Variants in C8orf34 observed in about 807,000 individuals in gnomAD.
C8orf34 encodes chromosome 8 open reading frame 34, also known as uncharacterized protein C8orf34.
In C8orf34, 65 loss-of-function variants were observed where a neutral mutation model predicts 68.3. The observed-to-expected ratio is 0.95, with a 90% CI of 0.78 to 1.17. C8orf34 has a LOEUF of 1.17. Among genes scored for constraint, C8orf34 ranks in the 50% most tolerant of loss-of-function variants. C8orf34 has a pLI of 0.00. For synonymous variants in C8orf34, 244 were observed against 241.2 expected (o/e 1.01, Z -0.11); for missense variants, 664 against 655.4 (o/e 1.01, Z -0.14).
chr8:68,479,155 T>C (rs1812748428), intron 4 of C8orf34, among the ~76,000 whole-genome samples: 1 of 152,130 alleles, frequency 6.6e-6, no homozygotes, highest in African/African-American at 2.4e-5. Context: ...ATTTTAAGAA[T>C]AATTAAAGAA....
intron 7 of C8orf34, among the ~76,000 whole-genome samples, chr8:68,553,498 C>G (rs929359326): frequency 9.2e-5 from 14 of 151,476 alleles, no homozygotes; most frequent in African/African-American, 3.4e-4. Flanking sequence ...ATGAAGCCAT[C>G]TGTATCTGGA....
At chr8:68,456,229 C>T (rs936416895) in intron 3 of C8orf34, among the ~76,000 whole-genome samples, 2 of 151,544 alleles carry the variant, frequency 1.3e-5, no homozygotes, top group African/African-American at 4.9e-5. Context: ...GCACTCCAGC[C>T]TGGGTGACAG....
intron 4 of C8orf34, among the ~76,000 whole-genome samples, chr8:68,479,652 T>A (rs1405947098): frequency 6.6e-6 from 1 of 152,106 alleles, no homozygotes; most frequent in Admixed American, 6.6e-5. Flanking sequence ...CATCCATGGC[T>A]TTTTGAGGGG....
chr8:68,704,577 A>T (rs1821111008), intron 8 of C8orf34, among the ~76,000 whole-genome samples: 1 of 152,024 alleles, frequency 6.6e-6, no homozygotes, highest in African/African-American at 2.4e-5. Flanking sequence ...GTAGTTCTAA[A>T]ATCCTTGTGA....
chr8:68,394,383 C>A (rs1335237018), intron 1 of C8orf34, among the ~76,000 whole-genome samples: 1 of 151,734 alleles, frequency 6.6e-6, no homozygotes, highest in Non-Finnish European at 1.5e-5. Flanking sequence ...ATGATGATTT[C>A]CAATTTCATC....
chr8:68,686,819 A>G (rs542054060), intron 8 of C8orf34, among the ~76,000 whole-genome samples: 79 of 152,226 alleles, frequency 5.2e-4, no homozygotes, highest in Middle Eastern at 3.4e-3. Context: ...CAAATTGGAA[A>G]AGAGGAAGTA....
At chr8:68,426,632 T>C (rs1328344693) in intron 1 of C8orf34, among the ~76,000 whole-genome samples, 2 of 138,810 alleles carry the variant, frequency 1.4e-5, no homozygotes, top group Non-Finnish European at 3.1e-5. Flanking sequence ...ATAATGCAAA[T>C]GAACTCTCAA....
intron 1 of C8orf34, among the ~76,000 whole-genome samples, chr8:68,419,796 G>A (rs1329104729): frequency 1.4e-5 from 2 of 140,014 alleles, no homozygotes; most frequent in African/African-American, 2.7e-5. Flanking sequence ...CATGGACACA[G>A]GAAGGGGAAC....
intron 10 of C8orf34, among the ~76,000 whole-genome samples, chr8:68,726,233 G>A (rs1013841071): frequency 3.3e-5 from 5 of 152,202 alleles, no homozygotes; most frequent in East Asian, 3.9e-4. Flanking sequence ...AGAATTATTC[G>A]CCAGATTAAG....
chr8:68,655,991 G>A (rs1249998841), intron 8 of C8orf34, among the ~76,000 whole-genome samples: 1 of 152,048 alleles, frequency 6.6e-6, no homozygotes, highest in East Asian at 1.9e-4. Context: ...TGTTCTTTTG[G>A]ACCTTAAAAA....
At chr8:68,552,728 T>C (rs1325428393) in intron 7 of C8orf34, among the ~76,000 whole-genome samples, 1 of 152,162 alleles carries the variant, frequency 6.6e-6, no homozygotes, top group African/African-American at 2.4e-5. Context: ...TCTGTTAACT[T>C]GAGAAAGTTC....
At chr8:68,547,740 C>G (rs7841933) in intron 7 of C8orf34, among the ~76,000 whole-genome samples, 27,129 of 151,434 alleles carry the variant, frequency 0.18, 2,948 homozygotes, top group African/African-American at 0.31. Flanking sequence ...CCTTGAATGG[C>G]CAAAATCATC....
intron 10 of C8orf34, among the ~76,000 whole-genome samples, chr8:68,775,070 G>GA (rs35109353): frequency 5.7e-3 from 711 of 124,216 alleles, no homozygotes; most frequent in African/African-American, 0.01. Flanking sequence ...GTAAGCCCAG[G>GA]AAAAAAAAAA....
At chr8:68,761,552 T>A (rs1823024463) in intron 10 of C8orf34, among the ~76,000 whole-genome samples, 1 of 152,202 alleles carries the variant, frequency 6.6e-6, no homozygotes, top group African/African-American at 2.4e-5. Flanking sequence ...CAATACTCTT[T>A]CTTTAGGTCT....
At chr8:68,633,229 A>C (rs971500808) in intron 7 of C8orf34, among the ~76,000 whole-genome samples, 6 of 152,162 alleles carry the variant, frequency 3.9e-5, no homozygotes, top group Non-Finnish European at 5.9e-5. Flanking sequence ...ATAGTAAAAG[A>C]ATATAATCAA....
intron 7 of C8orf34, among the ~76,000 whole-genome samples, chr8:68,554,422 G>A (rs1037285639): frequency 4.6e-5 from 7 of 152,094 alleles, no homozygotes; most frequent in Non-Finnish European, 8.8e-5. Context: ...TATCTAAACA[G>A]AGAATCATAT....
At chr8:68,546,988 A>C (rs1478112472) in intron 7 of C8orf34, among the ~76,000 whole-genome samples, 1 of 151,804 alleles carries the variant, frequency 6.6e-6, no homozygotes, top group Non-Finnish European at 1.5e-5. Context: ...TATTGATATA[A>C]GTTCCTATCT....
chr8:68,784,591 A>G (rs964248893), intron 11 of C8orf34, among the ~76,000 whole-genome samples: 6 of 152,202 alleles, frequency 3.9e-5, no homozygotes, highest in African/African-American at 1.4e-4. Context: ...TCCTGTATAT[A>G]CATTTGTCTA....
chr8:68,442,222 C>G (rs1202245805), intron 2 of C8orf34, among the ~76,000 whole-genome samples: 1 of 151,768 alleles, frequency 6.6e-6, no homozygotes, highest in Non-Finnish European at 1.5e-5. Context: ...GAAGTAAGGG[C>G]ACCAATTATG....
Sources: gnomAD v4.1 joint callset for allele counts (sites outside exome capture counted in the v4.1 genomes callset) on GRCh38, gnomAD v4.1.1 for gene constraint, MANE v1.5 for transcripts, NCBI Gene and HGNC (gene_info 2026-07-23, HGNC 2026-07-21) for gene names.